Variants in AMPD1 observed in about 807,000 individuals in gnomAD.
AMPD1 encodes the protein AMP deaminase 1.
AMPD1 carries 74 observed loss-of-function variants against 82.9 expected under a neutral mutation model. The ratio of observed to expected loss-of-function variants is 0.89; its 90% CI spans 0.74 to 1.08. The LOEUF is 1.08. AMPD1 is among the 50% of genes least tolerant of loss of function. The pLI, the probability that AMPD1 is intolerant of heterozygous loss-of-function variation, is 0.00. For synonymous variants in AMPD1, 333 were observed against 320.5 expected, an observed-to-expected ratio of 1.04 and a Z score of -0.42; for missense variants, 881 against 924.5, an observed-to-expected ratio of 0.95 and a Z score of 0.61.
intron 1 of AMPD1, among the ~76,000 whole-genome samples, chr1:114,695,039 G>A (rs1658634776): frequency 1.3e-5 from 2 of 152,022 alleles, no homozygotes; most frequent in African/African-American, 2.4e-5. Context: ...ACAACAGAAA[G>A]CTATTCTCGT....
chr1:114,692,066 C>T (rs1220447319), intron 2 of AMPD1, among the ~76,000 whole-genome samples: 1 of 152,184 alleles, frequency 6.6e-6, no homozygotes, highest in Non-Finnish European at 1.5e-5. Flanking sequence ...ACGTCAACTT[C>T]AGAGAATTGT....
chr1:114,682,867 C>T (rs1557971756), intron 5 of AMPD1, among the ~76,000 whole-genome samples: 1 of 152,262 alleles, frequency 6.6e-6, no homozygotes, highest in Non-Finnish European at 1.5e-5. Flanking sequence ...CGTGAGCCAC[C>T]GCGCCTGGCC....
intron 2 of AMPD1, among the ~76,000 whole-genome samples, chr1:114,692,902 G>A (rs1048334561): frequency 6.6e-6 from 1 of 151,500 alleles, no homozygotes; most frequent in Non-Finnish European, 1.5e-5. Context: ...TGAGGCTGAA[G>A]CGGGCAGATC....
Position 114,679,659 on chromosome 1 carries a change from C to A in AMPD1, c.817G>T (p.Val273Phe), listed in dbSNP as rs371819369. ...RLKFLSSKFQ[V>F]HQMLNEMDEL... is the part of the protein sequence containing the mutation. ...TCCATCTCGTTAAGCATCTGATGGA[C>A]CTGGAACTTGGAGGAGAGGAACTTC... The change falls in exon 7 of 16, where the codon GTC becomes TTC. Residue 273 changes from valine to phenylalanine, a missense_variant. Val to Phe is a conservative substitution (Grantham distance 50). Around this residue, in one of 2 missense-constraint regions of AMPD1, gnomAD observed 783 missense variants for 786.4 expected, o/e 1.00. Coordinates refer to ENST00000520113, the MANE Select transcript of AMPD1 (RefSeq NM_000036.3). 3 of 1,613,638 alleles carry A rather than the reference C, an allele frequency of 1.9e-6. No individual in the cohort carries two copies. In the African/African-American group the frequency reaches 4.0e-5, roughly 22 times the overall value.
chr1:114,683,487 G>T (rs1317802421), intron 5 of AMPD1, among the ~76,000 whole-genome samples: 3 of 152,178 alleles, frequency 2.0e-5, no homozygotes, highest in Non-Finnish European at 4.4e-5. Context: ...TGTAACCCCA[G>T]AACTTTGGGA....
chr1:114,682,983 T>C (rs1658207584), intron 5 of AMPD1, among the ~76,000 whole-genome samples: 1 of 152,254 alleles, frequency 6.6e-6, no homozygotes, highest in Non-Finnish European at 1.5e-5. Flanking sequence ...ATGCTTATTG[T>C]ACCTTTTTTA....
rs188078603 is a variant in AMPD1 at position 114,694,110 on chromosome 1, T to A, written c.23-663A>T. Among the ~76,000 whole-genome samples, 302 of 152,154 alleles carry A rather than the reference T, an allele frequency of 2.0e-3. 2 individuals carry two copies. The highest frequency in any genetic ancestry group is 7.0e-3 in the African/African-American group (289 of 41,496). ...GGCAGGCGCCTGTAGTCCCAACTAC[T>A]CGGGAGACTGAGGCAGAATGGCATG... On this transcript the variant is annotated intron_variant, in intron 1 of 15. Coordinates refer to ENST00000520113, the MANE Select transcript of AMPD1 (RefSeq NM_000036.3).
At chr1:114,689,415 G>A (rs1228815390) in intron 2 of AMPD1, among the ~76,000 whole-genome samples, 1 of 152,080 alleles carries the variant, frequency 6.6e-6, no homozygotes, top group Non-Finnish European at 1.5e-5. Context: ...AATGAACCTT[G>A]GAAGGCCAAT....
intron 15 of AMPD1, 104 bp downstream of exon 15, chr1:114,673,535 G>A: frequency 2.0e-6 from 2 of 1,004,942 alleles, no homozygotes. Flanking sequence ...AACTGCATAT[G>A]ATTCGTGGAA....
rs762251657 is a variant in AMPD1, at chr1:114,688,625, G to A, written c.151C>T (p.His51Tyr). ...AATATGTGTGCTTGCATCTCATGAT[G>A]AGAAATCGGACAGATCTCATCCACA... ...FDVDEICPIS[H>Y]HEMQAHIFHL... Residue 51 changes from histidine (H) to tyrosine (Y), a missense_variant, in exon 3 of 16, where the codon CAT (histidine) becomes TAT (tyrosine). Coordinates refer to ENST00000520113, the MANE Select transcript of AMPD1 (RefSeq NM_000036.3). 1.9e-6 allele frequency: 3 copies of A among 1,614,050 alleles called. No homozygotes were observed. The highest frequency in any genetic ancestry group is 1.1e-5 in the South Asian group (1 of 91,086).
intron 7 of AMPD1, among the ~76,000 whole-genome samples, chr1:114,678,862 C>T (rs1658074938): frequency 6.6e-6 from 1 of 152,330 alleles, no homozygotes; most frequent in East Asian, 1.9e-4. Context: ...ACTACCATAA[C>T]TTTCAGCCCC....
At chr1:114,690,107 A>G (rs1399093744) in intron 2 of AMPD1, among the ~76,000 whole-genome samples, 1 of 152,182 alleles carries the variant, frequency 6.6e-6, no homozygotes, top group Non-Finnish European at 1.5e-5. Context: ...GTCTATACAG[A>G]CCTGCAAAAG....
Position 114,675,626 on chromosome 1 carries a change from G to A in AMPD1, c.1583C>T (p.Pro528Leu), listed in dbSNP as rs1305122911. ...TTCCAATGTCCACTCCTGGGGCTTG[G>A]GACTCTTGGAGGAGAACATGTGGCC... ...HSGHMFSSKS[P>L]KPQEWTLEKN... is the part of the protein sequence containing the mutation. Residue 528 changes from proline (P) to leucine (L), a missense_variant, in exon 12 of 16, where the codon CCC (proline) becomes CTC (leucine). Around this residue, in one of 2 missense-constraint regions of AMPD1, gnomAD observed 783 missense variants for 786.4 expected, o/e 1.00. Transcript: ENST00000520113. 8 of 1,614,016 alleles carry A rather than the reference G, an allele frequency of 5.0e-6. No homozygotes were observed. The highest frequency in any genetic ancestry group is 4.4e-5 in the South Asian group (4 of 91,076).
chr1:114,688,787 G>A (rs748833801), intron 2 of AMPD1, 46 bp from the exon 3 acceptor site: 5 of 1,607,596 alleles, frequency 3.1e-6, no homozygotes, highest in Non-Finnish European at 3.4e-6. Flanking sequence ...CTTTTCAAAA[G>A]TCAGCTGAGA....
intron 2 of AMPD1, among the ~76,000 whole-genome samples, chr1:114,691,519 G>A (rs902610596): frequency 1.3e-5 from 2 of 152,070 alleles, no homozygotes; most frequent in East Asian, 1.9e-4. Context: ...AGTAAGCCAC[G>A]TTTGCACCAT....
chr1:114,690,347 A>C lies in AMPD1; in HGVS notation c.35-1606T>G, dbSNP rs79188452. ...GATTAAATTGAATGATGTAATGTGT[A>C]GCATTGGTCAAACAGACATTTGGTG... On this transcript the variant is annotated intron_variant, in intron 2 of 15. Coordinates refer to ENST00000520113, the MANE Select transcript of AMPD1 (RefSeq NM_000036.3). 1.6e-3 allele frequency among the ~76,000 whole-genome samples: 247 copies of C among 152,364 alleles called. 1 individual carries two copies. Among genetic ancestry groups the C allele is most frequent in the African/African-American group, 5.6e-3 (232 of 41,580 alleles).
rs779837672 is a variant in AMPD1, at chr1:114,677,989, A to C, written c.1145T>G (p.Val382Gly). Residue 382 changes from valine (V) to glycine (G), a missense_variant, in exon 9 of 16, where the codon GTA (valine) becomes GGA (glycine). Val to Gly is a moderately radical substitution (Grantham distance 109). This residue lies in a region of AMPD1 where 783 missense variants were observed against 786.4 expected (regional missense o/e 1.00). Transcript: ENST00000520113. The stretch of plus-strand genomic sequence containing the variant: ...GAGGTCCCGTAGCTCACTTGCTCCT[A>C]CAGGATTATATTTGTCATTGAACTT... ...FDKFNDKYNPVGASELRDLYL... is the reference protein window; with the variant it reads ...FDKFNDKYNPGGASELRDLYL... 6.2e-7 allele frequency: 1 copy of C among 1,613,956 alleles called. No individual in the cohort carries two copies. The highest frequency in any genetic ancestry group is 1.1e-5 in the South Asian group (1 of 91,074).
At chr1:114,679,424 C>A (rs950960484) in intron 7 of AMPD1, among the ~76,000 whole-genome samples, 155 bp downstream of exon 7, 1 of 152,192 alleles carries the variant, frequency 6.6e-6, no homozygotes, top group Non-Finnish European at 1.5e-5. Flanking sequence ...TTAACCCTAA[C>A]CCATTGGACA....
chr1:114,677,917 A>G lies in AMPD1; in HGVS notation c.1217T>C (p.Ile406Thr), dbSNP rs542940189. 1.4e-5 allele frequency: 22 copies of G among 1,613,244 alleles called. No individual in the cohort carries two copies. Among genetic ancestry groups the G allele is most frequent in the South Asian group, 2.2e-5 (2 of 91,060 alleles). ...TGATTGGTTCCGCCTCACCTTGATGATAGTGGCAAAATATTCCCCATTAAT... is the reference window on the plus strand; with the variant it reads ...TGATTGGTTCCGCCTCACCTTGATGGTAGTGGCAAAATATTCCCCATTAAT... ...NYINGEYFAT[I>T]IKEVGADLVE... is the part of the protein sequence containing the mutation. The change falls in exon 9 of 16, where the codon ATC becomes ACC. Residue 406 changes from isoleucine to threonine, a missense_variant. Ile to Thr is a moderately conservative substitution (Grantham distance 89). Around this residue, in one of 2 missense-constraint regions of AMPD1, gnomAD observed 783 missense variants for 786.4 expected, o/e 1.00. Transcript: ENST00000520113.
Sources: gnomAD v4.1 joint callset for allele counts (sites outside exome capture counted in the v4.1 genomes callset) on GRCh38, gnomAD v4.1.1 for gene constraint, gnomAD v4.1.1 regional missense constraint, MANE v1.5 for transcripts, NCBI Gene and HGNC (gene_info 2026-07-23, HGNC 2026-07-21) for gene names.